TCF4: variants seen among roughly 807,000 people sequenced by gnomAD.
TCF4 encodes SL3-3 enhancer factor 2.
A neutral mutation model predicts 82.1 loss-of-function variants in TCF4; 3 were observed. That is an observed-to-expected ratio of 0.04 (90% CI 0.02 to 0.09). TCF4 has a LOEUF of 0.09. TCF4 is among the 10% of genes least tolerant of loss of function. The pLI is 1.00. For synonymous variants in TCF4, 276 were observed against 309.6 expected, an observed-to-expected ratio of 0.89 and a Z score of 1.14; for missense variants, 518 against 852.7, an observed-to-expected ratio of 0.61 and a Z score of 4.89.
At chr18:55,415,527 C>A (rs533863204) in intron 5 of TCF4, among the ~76,000 whole-genome samples, 1 of 152,306 alleles carries the variant, frequency 6.6e-6, no homozygotes, top group South Asian at 2.1e-4. Context: ...TTATTTAGTA[C>A]TAAGTCTCAC....
At chr18:55,594,065 G>C (rs2097688380) in intron 2 of TCF4, among the ~76,000 whole-genome samples, 1 of 152,176 alleles carries the variant, frequency 6.6e-6, no homozygotes, top group Non-Finnish European at 1.5e-5. Flanking sequence ...GATGGGGAGA[G>C]CTTCAGCCAG....
intron 2 of TCF4, among the ~76,000 whole-genome samples, chr18:55,606,824 AAATT>A (rs1355176047): frequency 3.0e-4 from 45 of 152,364 alleles, no homozygotes; most frequent in African/African-American, 9.6e-4. Flanking sequence ...TGATTATATT[AAATT>A]AATTCATAAT....
intron 3 of TCF4, among the ~76,000 whole-genome samples, chr18:55,582,968 C>T (rs968348401): frequency 3.9e-5 from 6 of 152,090 alleles, no homozygotes; most frequent in Non-Finnish European, 5.9e-5. Context: ...AAATGTATTA[C>T]GCTTTTTAAA....
chr18:55,609,131 C>G (rs190875920), intron 2 of TCF4, among the ~76,000 whole-genome samples: 2 of 152,292 alleles, frequency 1.3e-5, no homozygotes, highest in East Asian at 3.9e-4. Context: ...CCATACCTTA[C>G]TCTTGGACTT....
chr18:55,578,538 C>T (rs976945202), intron 3 of TCF4, among the ~76,000 whole-genome samples: 4 of 151,854 alleles, frequency 2.6e-5, no homozygotes, highest in Non-Finnish European at 5.9e-5. Flanking sequence ...TTTGGGATTC[C>T]CTGAGGATTT....
At chr18:55,278,215 T>C (rs78164270) in intron 9 of TCF4, among the ~76,000 whole-genome samples, 1,623 of 152,304 alleles carry the variant, frequency 0.011, 34 homozygotes, top group African/African-American at 0.036. Context: ...ATCAGGCTGC[T>C]TCCCTGGTAC....
In TCF4 at chr18:55,300,099, TACAC is replaced by T. The variant is rs372975426; in HGVS notation, c.550-20447_550-20444del. 5.8e-3 allele frequency among the ~76,000 whole-genome samples: 855 copies of T among 147,982 alleles called. 13 individuals are homozygous for T. Among genetic ancestry groups the T allele is most frequent in the African/African-American group, 0.018 (732 of 40,248 alleles). On this transcript the variant is annotated intron_variant, in intron 8 of 19. Transcript: ENST00000354452. ...AATGAAATACACACACATACAGATA[TACAC>T]ACACACACACACACACACACACCCC...
At chr18:55,561,887 T>G (rs2097358266) in intron 3 of TCF4, among the ~76,000 whole-genome samples, 1 of 152,202 alleles carries the variant, frequency 6.6e-6, no homozygotes. Context: ...ATGAAAAGCC[T>G]GATCTAAAAT....
chr18:55,510,586 G>A, intron 3 of TCF4: 1 of 1,506,934 alleles, frequency 6.6e-7, no homozygotes, highest in Non-Finnish European at 8.9e-7. Context: ...TACCTCTGCT[G>A]TCCTCTTCCA....
chr18:55,368,404 A>C (rs1231473924), intron 6 of TCF4, among the ~76,000 whole-genome samples: 3 of 152,104 alleles, frequency 2.0e-5, no homozygotes, highest in Non-Finnish European at 4.4e-5. Context: ...AACAACAACA[A>C]TAACAAAAAG....
intron 3 of TCF4, among the ~76,000 whole-genome samples, chr18:55,470,683 C>G (rs1212414522): frequency 6.6e-6 from 1 of 152,074 alleles, no homozygotes; most frequent in Non-Finnish European, 1.5e-5. Context: ...TACTCTGAGC[C>G]TACAACATGC....
In TCF4 at chr18:55,367,420, A is replaced by G. The variant is rs75094479; in HGVS notation, c.370-16417T>C. Among the ~76,000 whole-genome samples, 1,447 of 152,344 alleles carry G rather than the reference A, an allele frequency of 9.5e-3. 26 individuals are homozygous for G. The highest frequency in any genetic ancestry group is 0.033 in the African/African-American group (1,388 of 41,580). ...TTTGCCTGAATGGCCAATACTGGCT[A>G]AAGGGGTTGAGGAAATTATAATGTA... On this transcript the variant is annotated intron_variant, in intron 6 of 19. Transcript: ENST00000354452.
intron 5 of TCF4, among the ~76,000 whole-genome samples, chr18:55,457,174 A>T (rs531075166): frequency 9.9e-5 from 15 of 152,276 alleles, no homozygotes; most frequent in Non-Finnish European, 2.1e-4. Flanking sequence ...ACACCTATTT[A>T]AAAAAAATTT....
intron 3 of TCF4, chr18:55,510,705 CCTTT>C: frequency 7.0e-7 from 1 of 1,433,390 alleles, no homozygotes; most frequent in Non-Finnish European, 9.1e-7. Flanking sequence ...CTTTAAAAGG[CCTTT>C]CTTTTAAGGG....
intron 3 of TCF4, among the ~76,000 whole-genome samples, chr18:55,554,639 C>A (rs1178549627): frequency 2.6e-5 from 4 of 152,148 alleles, no homozygotes; most frequent in African/African-American, 9.7e-5. Flanking sequence ...ACAGAAAGCA[C>A]AGATATTATC....
rs201178007 is a variant in TCF4, at chr18:55,633,897, C to A, written c.195+1806G>T. On this transcript the variant is annotated intron_variant, in intron 1 of 20. Transcript: ENST00000398339. This position sits in a 1 kb window ranked among gnomAD's most constrained non-coding sequence, Gnocchi z 4.0. ...AAACCAAAACAAAAAAGGCACAAAA[C>A]AACAACAACAACAACAACAACAACA... 2.1e-5 allele frequency among the ~76,000 whole-genome samples: 1 copy of A among 47,320 alleles called. No individual in the cohort carries two copies. The highest frequency in any genetic ancestry group is 6.6e-5 in the Non-Finnish European group (1 of 15,168). 31.0% of individuals were successfully genotyped at this position (47,320 alleles called of 152,430 possible).
At chr18:55,336,997 G>C (rs748675970) in intron 8 of TCF4, among the ~76,000 whole-genome samples, 1 of 152,046 alleles carries the variant, frequency 6.6e-6, no homozygotes, top group South Asian at 2.1e-4. Flanking sequence ...TCGAAATTTT[G>C]CACAAACAGA....
rs1555851932 is a variant in TCF4 at position 55,303,254 on chromosome 18, C to CACACCCCTACACACACACACACACCCCT, written c.550-23599_550-23598insAGGGGTGTGTGTGTGTGTGTAGGGGTGT. Among the ~76,000 whole-genome samples, 836 of 150,100 alleles carry CACACCCCTACACACACACACACACCCCT rather than the reference C, an allele frequency of 5.6e-3. 9 individuals are homozygous for CACACCCCTACACACACACACACACCCCT. The highest frequency in any genetic ancestry group is 0.019 in the African/African-American group (764 of 40,036). On this transcript the variant is annotated intron_variant, in intron 8 of 19. Coordinates refer to ENST00000354452, the MANE Select transcript of TCF4 (RefSeq NM_001083962.2). ...ACACACACACACACACACACACACA[C>CACACCCCTACACACACACACACACCCCT]ACACACACACACACCCCTACACACC...
At chr18:55,626,008 G>C (rs921493848) in intron 2 of TCF4, among the ~76,000 whole-genome samples, 1 of 152,040 alleles carries the variant, frequency 6.6e-6, no homozygotes, top group East Asian at 1.9e-4. Context: ...TCAAAAGCCT[G>C]CTTTACTTTC....
Sources: gnomAD v4.1 joint callset for allele counts (sites outside exome capture counted in the v4.1 genomes callset) on GRCh38, gnomAD v4.1.1 for gene constraint, Gnocchi (gnomAD v3.1) non-coding constraint, MANE v1.5 for transcripts, NCBI Gene and HGNC (gene_info 2026-07-23, HGNC 2026-07-21) for gene names.